NSRP1: variants seen among roughly 807,000 people sequenced by gnomAD.
The protein encoded by NSRP1 is nuclear speckle splicing regulatory protein 1.
In NSRP1, 24 loss-of-function variants were observed where a neutral mutation model predicts 54.7. That is an observed-to-expected ratio of 0.44 (90% CI 0.32 to 0.62). NSRP1 has a LOEUF of 0.62. Among genes scored for constraint, NSRP1 ranks in the 20% least tolerant of loss-of-function variants. The pLI, the probability that NSRP1 is intolerant of heterozygous loss-of-function variation, is 0.06. For missense variants in NSRP1, 596 were observed against 651.2 expected (o/e 0.92, Z 0.92); for synonymous variants, 210 against 213.8 (o/e 0.98, Z 0.15).
At chr17:30,179,439 A>G (rs1182876168) in intron 5 of NSRP1, 142 bp downstream of exon 5, 12 of 1,287,172 alleles carry the variant, frequency 9.3e-6, no homozygotes, top group African/African-American at 3.0e-5. Flanking sequence ...CACAAGGAAT[A>G]TGGTATTATA....
intron 2 of NSRP1, among the ~76,000 whole-genome samples, chr17:30,168,594 T>TAAC (rs1567803287): frequency 7.0e-6 from 1 of 143,522 alleles, no homozygotes; most frequent in Non-Finnish European, 1.5e-5. Flanking sequence ...ATAATAATAG[T>TAAC]AATAATAATA....
At chr17:30,127,896 G>A (rs2071664836) in intron 2 of NSRP1, 1 of 397,784 alleles carries the variant, frequency 2.5e-6, no homozygotes, top group Non-Finnish European at 4.4e-6. Context: ...TGCAATTTGT[G>A]CAGTCACAAC....
intron 2 of NSRP1, among the ~76,000 whole-genome samples, chr17:30,168,495 A>C (rs563262036): frequency 6.6e-6 from 1 of 151,396 alleles, no homozygotes; most frequent in South Asian, 2.1e-4. Context: ...TTTTGTTCTC[A>C]ATCTTAAAAT....
At chr17:30,139,851 T>A (rs923692701) in intron 2 of NSRP1, among the ~76,000 whole-genome samples, 1 of 152,086 alleles carries the variant, frequency 6.6e-6, no homozygotes, top group Non-Finnish European at 1.5e-5. Flanking sequence ...AGTGAAACCC[T>A]GTCTCTACTA....
intron 2 of NSRP1, among the ~76,000 whole-genome samples, chr17:30,167,135 C>T (rs9897630): frequency 0.085 from 12,937 of 152,076 alleles, 1,742 homozygotes; most frequent in African/African-American, 0.29. Flanking sequence ...TGAGAACATA[C>T]GATATTTATC....
chr17:30,140,673 G>A (rs2071796516), intron 2 of NSRP1, among the ~76,000 whole-genome samples: 1 of 151,450 alleles, frequency 6.6e-6, no homozygotes, highest in African/African-American at 2.4e-5. Context: ...GGGATTACAG[G>A]TGCACACCAC....
At chr17:30,120,575 TGTCTA>T (rs1295077048) in intron 2 of NSRP1, among the ~76,000 whole-genome samples, 2 of 152,216 alleles carry the variant, frequency 1.3e-5, no homozygotes, top group Non-Finnish European at 2.9e-5. Flanking sequence ...TTTCAACCAG[TGTCTA>T]GTCTAGTGGG....
chr17:30,117,419 CCTTA>C (rs1281916375), intron 1 of NSRP1: 9 of 442,506 alleles, frequency 2.0e-5, no homozygotes, highest in African/African-American at 1.0e-4. Context: ...GATGTGTAAT[CCTTA>C]CTTTTGATGC....
At chr17:30,116,928 C>T in intron 1 of NSRP1, 65 bp downstream of exon 1, 1 of 1,544,034 alleles carries the variant, frequency 6.5e-7, no homozygotes, top group Non-Finnish European at 8.8e-7. Context: ...TATCTTTGGC[C>T]GAGGAGTTTT....
intron 4 of NSRP1, among the ~76,000 whole-genome samples, chr17:30,178,448 C>T (rs1394357507): frequency 6.6e-6 from 1 of 152,096 alleles, no homozygotes; most frequent in Non-Finnish European, 1.5e-5. Flanking sequence ...TTTTTGAAAA[C>T]TTTTCCTTGG....
intron 2 of NSRP1, among the ~76,000 whole-genome samples, chr17:30,148,610 G>T (rs530802128): frequency 5.9e-5 from 9 of 152,278 alleles, no homozygotes; most frequent in African/African-American, 2.2e-4. Flanking sequence ...TGGCTAGTTT[G>T]AATCTTGTCA....
intron 2 of NSRP1, among the ~76,000 whole-genome samples, chr17:30,160,144 T>G (rs887939516): frequency 6.6e-6 from 1 of 152,272 alleles, no homozygotes; most frequent in Non-Finnish European, 1.5e-5. Context: ...AACTCAGGGA[T>G]AAATCCCACT....
intron 2 of NSRP1, among the ~76,000 whole-genome samples, chr17:30,119,556 G>A (rs972024398): frequency 1.3e-5 from 2 of 151,646 alleles, no homozygotes; most frequent in East Asian, 3.9e-4. Flanking sequence ...AGGCTGGAGT[G>A]CAGTGGTGCG....
intron 2 of NSRP1, among the ~76,000 whole-genome samples, chr17:30,152,337 C>G (rs2071919585): frequency 1.3e-5 from 2 of 151,160 alleles, no homozygotes. Context: ...CCAGGCTGGT[C>G]TTGAACTCCT....
At chr17:30,173,929 A>G (rs1223771355) in intron 3 of NSRP1, among the ~76,000 whole-genome samples, 1 of 152,206 alleles carries the variant, frequency 6.6e-6, no homozygotes, top group African/African-American at 2.4e-5. Flanking sequence ...AGTGAAATAT[A>G]ATGTGTAACT....
intron 2 of NSRP1, among the ~76,000 whole-genome samples, chr17:30,124,228 A>C (rs1222053291): frequency 6.6e-6 from 1 of 152,206 alleles, no homozygotes; most frequent in Non-Finnish European, 1.5e-5. Flanking sequence ...GTGCTACTGC[A>C]CTCCAGCCTG....
intron 2 of NSRP1, among the ~76,000 whole-genome samples, chr17:30,161,863 G>T (rs1904528329): frequency 6.6e-6 from 1 of 152,044 alleles, no homozygotes; most frequent in Admixed American, 6.6e-5. Context: ...CCTTGCCAGG[G>T]TTGAGTAATA....
intron 2 of NSRP1, among the ~76,000 whole-genome samples, chr17:30,124,619 G>A (rs1030080510): frequency 2.6e-5 from 4 of 152,222 alleles, no homozygotes; most frequent in Admixed American, 2.0e-4. Flanking sequence ...GATATATAGA[G>A]GGATACAAGT....
Position 30,138,973 on chromosome 17 carries a change from A to G in NSRP1, c.114+20800A>G, listed in dbSNP as rs577272718. ...CGCTTTGTCGCCCAGGCTGGAGTGC[A>G]GTGGCCCGATCTTGGCTCACTGCAA... On this transcript the variant is annotated intron_variant, in intron 2 of 6. Coordinates refer to ENST00000247026, the MANE Select transcript of NSRP1 (RefSeq NM_032141.4). Among the ~76,000 whole-genome samples, 38 of 120,540 alleles carry G rather than the reference A, an allele frequency of 3.2e-4. 2 individuals carry two copies. In the East Asian group the frequency reaches 0.011, roughly 36 times the overall value. The allele number at this position is 120,540 out of a possible 152,430, so 79.1% of individuals were successfully genotyped here.
Sources: gnomAD v4.1 joint callset for allele counts (sites outside exome capture counted in the v4.1 genomes callset) on GRCh38, gnomAD v4.1.1 for gene constraint, MANE v1.5 for transcripts, NCBI Gene and HGNC (gene_info 2026-07-23, HGNC 2026-07-21) for gene names.